BMX: variants seen among roughly 807,000 people sequenced by gnomAD.
BMX encodes BMX non-receptor tyrosine kinase.
In BMX, 31 loss-of-function variants were observed where a neutral mutation model predicts 59.2. That is an observed-to-expected ratio of 0.52 (90% confidence interval 0.39 to 0.71). BMX has a LOEUF of 0.71. BMX is among the 30% of genes least tolerant of loss of function. The pLI, the probability that BMX is intolerant of heterozygous loss-of-function variation, is 0.00. For synonymous variants in BMX, 185 were observed against 181.0 expected (o/e 1.02, Z -0.18); for missense variants, 474 against 491.7 (o/e 0.96, Z 0.34).
At chrX:15,553,952 C>T (rs1023391116) in intron 18 of BMX, among the ~76,000 whole-genome samples, 1 of 112,172 alleles carries the variant, frequency 8.9e-6, no homozygotes, top group African/African-American at 3.2e-5. Flanking sequence ...TGCACTGAGA[C>T]GACAATATCC....
At position 15,556,260 on chromosome X, in the gene BMX, C is replaced by A; in HGVS notation, c.*113C>A. ...AATTTAGCTAGTTTTTAATAGTGTT[C>A]TCTGTATTGTCTATTATTTAGAAAT... On this transcript the variant is annotated 3_prime_UTR_variant, in exon 19 of 19. Coordinates refer to ENST00000348343, the MANE Select transcript of BMX (RefSeq NM_203281.3). 1.6e-6 allele frequency: 1 copy of A among 639,285 alleles called. No individual in the cohort carries two copies. The highest frequency in any genetic ancestry group is 2.3e-6 in the Non-Finnish European group (1 of 436,287). The allele number at this position is 639,285 out of a possible 1,213,427, so 52.7% of individuals were successfully genotyped here.
At chrX:15,509,537 T>A in intron 3 of BMX, 104 bp downstream of exon 3, 1 of 570,482 alleles carries the variant, frequency 1.8e-6, no homozygotes, top group Non-Finnish European at 2.6e-6. Flanking sequence ...CAAAATAATC[T>A]AAACAAGGCT....
At chrX:15,505,910 TTTC>T (rs1923722579) in intron 1 of BMX, among the ~76,000 whole-genome samples, 1 of 111,792 alleles carries the variant, frequency 8.9e-6, no homozygotes, top group Admixed American at 9.5e-5. Flanking sequence ...TTATTTTTCT[TTTC>T]TTCTTCTTTC....
chrX:15,542,311 T>C, intron 15 of BMX, 113 bp downstream of exon 15: 2 of 675,049 alleles, frequency 3.0e-6, no homozygotes, highest in South Asian at 5.1e-5. Flanking sequence ...TCTACTTTGC[T>C]CACTTGTGAC....
At chrX:15,518,400 T>C (rs1016388617) in intron 6 of BMX, among the ~76,000 whole-genome samples, 6 of 111,463 alleles carry the variant, frequency 5.4e-5, no homozygotes, top group Non-Finnish European at 1.1e-4. Context: ...TGAAACTCTA[T>C]AGGACAAAAG....
At position 15,526,025 on chromosome X, in the gene BMX, T is replaced by C. The variant is rs1924706497; in HGVS notation, c.831-17T>C. 1.7e-6 allele frequency: 2 copies of C among 1,199,734 alleles called. No homozygotes were observed. Among genetic ancestry groups the C allele is most frequent in the Admixed American group, 2.2e-5 (1 of 44,968 alleles). On this transcript the variant is annotated splice_polypyrimidine_tract_variant and intron_variant, in intron 8 of 18. Transcript: ENST00000348343. ...TGGTGCTTTTCTGCACTCACGTTTT[T>C]CTCAACTCTTCTTAAGGGAATTCCC...
chrX:15,554,947 A>ACTG (rs1389905385), intron 18 of BMX, among the ~76,000 whole-genome samples: 1 of 111,097 alleles, frequency 9.0e-6, no homozygotes, highest in African/African-American at 3.3e-5. Context: ...CTAGCACCAC[A>ACTG]CTGCTCTGAT....
intron 9 of BMX, 75 bp downstream of exon 9, chrX:15,526,170 A>AAACAG: frequency 2.1e-6 from 2 of 954,237 alleles, no homozygotes; most frequent in Non-Finnish European, 2.9e-6. Context: ...AAAGACATTA[A>AAACAG]AACAGATGGC....
chrX:15,530,365 G>A (rs1925008757), intron 10 of BMX, among the ~76,000 whole-genome samples: 1 of 111,683 alleles, frequency 9.0e-6, no homozygotes, highest in African/African-American at 3.3e-5. Flanking sequence ...GGATTGACTG[G>A]GGGCTTGGGT....
At chrX:15,538,090 C>A (rs781379001) in intron 14 of BMX, among the ~76,000 whole-genome samples, 256 of 111,010 alleles carry the variant, frequency 2.3e-3, no homozygotes, top group African/African-American at 7.9e-3. Context: ...CAACAGCCTT[C>A]AATTATTGGC....
At chrX:15,534,559 G>T (rs1461513966) in intron 12 of BMX, among the ~76,000 whole-genome samples, 1 of 111,097 alleles carries the variant, frequency 9.0e-6, no homozygotes. Flanking sequence ...AGTAAACTGG[G>T]TGACTTAGAA....
At chrX:15,542,948 A>G in intron 15 of BMX, 123 bp from the exon 16 acceptor site, 1 of 609,631 alleles carries the variant, frequency 1.6e-6, no homozygotes, top group South Asian at 3.3e-5. Flanking sequence ...AGACAACTTT[A>G]GAGCACTTGG....
At chrX:15,509,559 C>T (rs1923869675) in intron 3 of BMX, 126 bp downstream of exon 3, 1 of 487,419 alleles carries the variant, frequency 2.1e-6, no homozygotes, top group Admixed American at 5.0e-5. Flanking sequence ...GGAATATTCC[C>T]ACATGGGAGT....
chrX:15,538,696 GA>G (rs1925501261), intron 14 of BMX, among the ~76,000 whole-genome samples: 1 of 111,831 alleles, frequency 8.9e-6, no homozygotes. Flanking sequence ...AGTAAAAGTC[GA>G]AAAGCAGAGA....
At chrX:15,537,405 C>T (rs1925419241) in intron 14 of BMX, 100 bp downstream of exon 14, 1 of 875,826 alleles carries the variant, frequency 1.1e-6, no homozygotes, top group Admixed American at 3.2e-5. Flanking sequence ...AGCAAAAGTC[C>T]ACATACTGTA....
At chrX:15,501,191 G>A (rs947241385) in intron 1 of BMX, among the ~76,000 whole-genome samples, 1 of 111,857 alleles carries the variant, frequency 8.9e-6, no homozygotes, top group East Asian at 2.8e-4. Context: ...ATCTCAGTTA[G>A]GGAAGCTCTC....
intron 9 of BMX, among the ~76,000 whole-genome samples, chrX:15,526,345 A>G (rs922723236): frequency 8.9e-6 from 1 of 112,221 alleles, no homozygotes; most frequent in African/African-American, 3.2e-5. Flanking sequence ...GATTTATCGT[A>G]TGTCCAGCGT....
intron 7 of BMX, among the ~76,000 whole-genome samples, chrX:15,523,993 G>A (rs35697037): frequency 0.37 from 40,721 of 111,062 alleles, 5,456 homozygotes; most frequent in East Asian, 0.43. Flanking sequence ...TCTTCATGGA[G>A]CTTGACTTTT....
chrX:15,553,718 G>T (rs1030223319), intron 18 of BMX, among the ~76,000 whole-genome samples: 44 of 112,075 alleles, frequency 3.9e-4, no homozygotes, highest in African/African-American at 1.1e-3. Context: ...GGTAGAGTTG[G>T]TCACAGCCAG....
Sources: allele counts gnomAD v4.1 joint callset (sites outside exome capture counted in the v4.1 genomes callset), GRCh38; gene constraint gnomAD v4.1.1; transcripts MANE v1.5; gene names NCBI Gene and HGNC (gene_info 2026-07-23, HGNC 2026-07-21).